FOXO3: variants seen among roughly 807,000 people sequenced by gnomAD.
The protein encoded by FOXO3 is forkhead box O3, also known as forkhead box protein O3.
A neutral mutation model predicts 41.9 loss-of-function variants in FOXO3; 4 were observed. The observed-to-expected ratio is 0.10, with a 90% CI of 0.05 to 0.22. FOXO3 has a LOEUF of 0.22. Ranked by LOEUF, FOXO3 falls within the 10% of genes least tolerant of loss-of-function variation. The pLI, the probability that FOXO3 is intolerant of heterozygous loss-of-function variation, is 1.00. For synonymous variants in FOXO3, 318 were observed against 389.3 expected (o/e 0.82, Z 2.16); for missense variants, 534 against 906.8 (o/e 0.59, Z 5.28).
intron 1 of FOXO3, among the ~76,000 whole-genome samples, chr6:108,622,346 A>G (rs1041554860): frequency 4.7e-5 from 7 of 150,332 alleles, no homozygotes; most frequent in Middle Eastern, 6.8e-3. Context: ...GAAGCTTTCT[A>G]TCTTGCTTTG....
chr6:108,561,847 G>C lies in FOXO3; in HGVS notation c.621+18G>C. On this transcript the variant is annotated intron_variant, in intron 1 of 2. Coordinates refer to ENST00000406360, the MANE Select transcript of FOXO3 (RefSeq NM_001455.4). ...GCTGGAAGGTGCGTACCCACCCCGG[G>C]CTGGCAGCAGGACCCGCCGGGCCTC... The C allele has an allele frequency of 3.3e-6, 5 of 1,520,458 alleles. No homozygotes were observed. The South Asian group carries it at 6.3e-5, about 19-fold the overall frequency. The allele number at this position is 1,520,458 out of a possible 1,614,324, so 94.2% of individuals were successfully genotyped here. A position where few individuals can be genotyped will look rare whatever the true frequency, so the allele number is the denominator to read the frequency against.
chr6:108,607,267 C>A (rs1430517177), intron 1 of FOXO3, among the ~76,000 whole-genome samples: 1 of 152,038 alleles, frequency 6.6e-6, no homozygotes, highest in Non-Finnish European at 1.5e-5. Flanking sequence ...GCCTGGGCAA[C>A]ATGGCAAAGC....
chr6:108,571,275 G>A (rs1776091094), intron 1 of FOXO3, among the ~76,000 whole-genome samples: 2 of 152,190 alleles, frequency 1.3e-5, no homozygotes, highest in Admixed American at 1.3e-4. Flanking sequence ...GGAGACTACT[G>A]TAACTTTGAA....
intron 1 of FOXO3, among the ~76,000 whole-genome samples, chr6:108,583,122 C>T (rs536265037): frequency 1.3e-5 from 2 of 152,306 alleles, no homozygotes; most frequent in African/African-American, 4.8e-5. Flanking sequence ...TGGTCACCAC[C>T]ATTCTTGCTG....
At chr6:108,583,575 A>C (rs1214568453) in intron 1 of FOXO3, among the ~76,000 whole-genome samples, 6 of 152,192 alleles carry the variant, frequency 3.9e-5, no homozygotes, top group Non-Finnish European at 8.8e-5. Flanking sequence ...CCATATATTA[A>C]ATAATGTTTG....
At chr6:108,584,234 T>G (rs1001154077) in intron 1 of FOXO3, among the ~76,000 whole-genome samples, 2 of 152,206 alleles carry the variant, frequency 1.3e-5, no homozygotes, top group African/African-American at 4.8e-5. Flanking sequence ...GAGATGGCAC[T>G]AATCCACCTT....
chr6:108,584,280 T>C (rs1395844157), intron 1 of FOXO3, among the ~76,000 whole-genome samples: 1 of 152,194 alleles, frequency 6.6e-6, no homozygotes, highest in African/African-American at 2.4e-5. Context: ...GAACTGTGCA[T>C]CCTGGCATGT....
rs1387633040 is a variant in FOXO3 at position 108,677,529 on chromosome 6, G to A, written c.*35-2298G>A. ...CTTCCCATTATGCACTGGCTTCTGT[G>A]GCTGCATAATTAATACCCAAGGGAA... On this transcript the variant is annotated intron_variant, in intron 2 of 2. Transcript: ENST00000406360. Among the ~76,000 whole-genome samples, 4 of 152,146 alleles carry A rather than the reference G, an allele frequency of 2.6e-5. No homozygotes were observed. The East Asian group carries it at 7.7e-4, about 29-fold the overall frequency.
upstream of FOXO3, chr6:108,560,908 C>G (rs1032315329): frequency 1.7e-6 from 2 of 1,199,436 alleles, no homozygotes; most frequent in East Asian, 3.2e-5. Flanking sequence ...CGCGGCCTGG[C>G]CGGGGGGCGG....
rs562404123 is a variant in FOXO3, at chr6:108,663,673, A to T, written c.840A>T (p.Ser280=). 624 of 1,613,056 alleles carry T rather than the reference A, an allele frequency of 3.9e-4. 10 individuals are homozygous for T. The South Asian group carries it at 6.4e-3, about 17-fold the overall frequency. Residue 280 remains serine (S), a synonymous_variant, in exon 2 of 3, where the codon TCA becomes TCT. Transcript: ENST00000406360. ...KKAALQTAPE[S]ADDSPSQLSK... ...CAGCCCTGCAGACAGCCCCCGAATC[A>T]GCTGACGACAGTCCCTCCCAGCTCT...
intron 1 of FOXO3, among the ~76,000 whole-genome samples, chr6:108,573,009 C>T (rs1162562201): frequency 2.0e-5 from 3 of 151,934 alleles, no homozygotes; most frequent in African/African-American, 2.4e-5. Flanking sequence ...AGCTTTTGGC[C>T]GGCGCGGTGG....
chr6:108,640,284 G>C (rs190611835), intron 1 of FOXO3, among the ~76,000 whole-genome samples: 2 of 152,294 alleles, frequency 1.3e-5, no homozygotes, highest in Admixed American at 1.3e-4. Flanking sequence ...CTTGGACAGG[G>C]GAATTTTTCA....
At chr6:108,634,135 TTCCTCA>T (rs1307761485) in intron 1 of FOXO3, among the ~76,000 whole-genome samples, 1 of 152,204 alleles carries the variant, frequency 6.6e-6, no homozygotes, top group Admixed American at 6.5e-5. Context: ...GTGCCACAGT[TTCCTCA>T]TCTGTAAAAT....
chr6:108,632,836 T>G (rs1164451950), intron 1 of FOXO3, among the ~76,000 whole-genome samples: 1 of 152,204 alleles, frequency 6.6e-6, no homozygotes, highest in Non-Finnish European at 1.5e-5. Flanking sequence ...GAGAGATTTC[T>G]ACTTTACCAA....
Position 108,561,080 on chromosome 6 carries a change from C to T in FOXO3, c.-129C>T. ...TCTCCTTCTCTCTTCTTTGGTGCTT[C>T]CCCAGGCGGCGGCGGCGGCGCCCGG... is the stretch of plus-strand genomic sequence containing the variant. On this transcript the variant is annotated 5_prime_UTR_variant, in exon 1 of 3. Transcript: ENST00000406360. 2 of 1,429,932 alleles carry T rather than the reference C, an allele frequency of 1.4e-6. No homozygotes were observed. Among genetic ancestry groups the T allele is most frequent in the Non-Finnish European group, 1.8e-6 (2 of 1,101,916 alleles). The allele number at this position is 1,429,932 out of a possible 1,614,324, so 88.6% of individuals were successfully genotyped here.
chr6:108,664,779 A>G lies in FOXO3; in HGVS notation c.1946A>G (p.Gln649Arg). 6.8e-7 allele frequency: 1 copy of G among 1,460,294 alleles called. No homozygotes were observed. The highest frequency in any genetic ancestry group is 9.4e-7 in the Non-Finnish European group (1 of 1,069,210). 90.5% of individuals were successfully genotyped at this position (1,460,294 alleles called of 1,614,324 possible). A position where few individuals can be genotyped will look rare whatever the true frequency, so the allele number is the denominator to read the frequency against. The stretch of plus-strand genomic sequence containing the variant: ...AACTTTGATTCCCTCATCTCCACAC[A>G]GAATGTTGTTGGTTTGAACGTGGGG... The part of the protein sequence containing the change: ...DFNFDSLIST[Q>R]NVVGLNVGNF... Residue 649 changes from glutamine to arginine, a missense_variant, in exon 2 of 3, where the codon CAG (glutamine) becomes CGG (arginine). Around this residue, in one of 8 missense-constraint regions of FOXO3, gnomAD observed 94 missense variants for 214.4 expected, o/e 0.44. Transcript: ENST00000406360.
At chr6:108,607,309 T>C (rs2128368224) in intron 1 of FOXO3, among the ~76,000 whole-genome samples, 1 of 152,002 alleles carries the variant, frequency 6.6e-6, no homozygotes, top group East Asian at 1.9e-4. Flanking sequence ...ATTAGCTGGG[T>C]GTGGTGGCGT....
intron 1 of FOXO3, among the ~76,000 whole-genome samples, chr6:108,593,866 G>A (rs1776801652): frequency 6.6e-6 from 1 of 151,788 alleles, no homozygotes; most frequent in Non-Finnish European, 1.5e-5. Flanking sequence ...ACAGGCATGT[G>A]CCACCACAAC....
chr6:108,628,201 C>G (rs1339073268), intron 1 of FOXO3, among the ~76,000 whole-genome samples: 1 of 152,166 alleles, frequency 6.6e-6, no homozygotes, highest in Non-Finnish European at 1.5e-5. Flanking sequence ...TTATTTGGTT[C>G]TCCCTCCACA....
Sources: gnomAD v4.1 joint callset for allele counts (sites outside exome capture counted in the v4.1 genomes callset) on GRCh38, gnomAD v4.1.1 for gene constraint, gnomAD v4.1.1 regional missense constraint, MANE v1.5 for transcripts, NCBI Gene and HGNC (gene_info 2026-07-23, HGNC 2026-07-21) for gene names.